The following IQSEC1 variants were observed in gnomAD, a reference collection of about 807,000 sequenced individuals.
IQSEC1 encodes IQ motif and SEC7 domain-containing protein 1.
IQSEC1 carries 31 observed loss-of-function variants against 91.0 expected under a neutral mutation model. That is an observed-to-expected ratio of 0.34 (90% CI 0.26 to 0.46). The LOEUF (loss-of-function observed/expected upper bound fraction) is 0.46. Ranked by LOEUF, IQSEC1 falls within the 20% of genes least tolerant of loss-of-function variation. The pLI is 1.00. For missense variants in IQSEC1, 1,388 were observed against 1,575.6 expected (o/e 0.88, Z 2.02); for synonymous variants, 699 against 662.6 (o/e 1.05, Z -0.84).
intron 1 of IQSEC1, among the ~76,000 whole-genome samples, chr3:13,212,207 A>G (rs1175919709): frequency 6.6e-6 from 1 of 152,202 alleles, no homozygotes; most frequent in Non-Finnish European, 1.5e-5. Context: ...AGCCCCTGCA[A>G]CCACTCACTA....
intron 1 of IQSEC1, among the ~76,000 whole-genome samples, chr3:13,180,568 T>G (rs537911772): frequency 1.9e-3 from 293 of 152,032 alleles, no homozygotes; most frequent in African/African-American, 6.8e-3. Context: ...GGCAACCCGC[T>G]GGGGTCCCCT....
At chr3:13,221,301 G>A (rs1374511625) in intron 1 of IQSEC1, among the ~76,000 whole-genome samples, 3 of 152,172 alleles carry the variant, frequency 2.0e-5, no homozygotes, top group South Asian at 2.1e-4. Context: ...CCTGACCCAC[G>A]CCCCTCTGCA....
chr3:13,038,246 A>ATG (rs1303265508), intron 1 of IQSEC1, among the ~76,000 whole-genome samples: 8 of 81,578 alleles, frequency 9.8e-5, no homozygotes, highest in African/African-American at 4.6e-4. Flanking sequence ...ACAAGTATAT[A>ATG]TATGTGTGTG....
At chr3:13,120,620 G>A (rs1706408337) in intron 2 of IQSEC1, among the ~76,000 whole-genome samples, 1 of 152,214 alleles carries the variant, frequency 6.6e-6, no homozygotes, top group Non-Finnish European at 1.5e-5. Flanking sequence ...AACTTACAAT[G>A]CAATCTGAGA....
intron 1 of IQSEC1, among the ~76,000 whole-genome samples, chr3:12,954,909 T>G (rs1699803672): frequency 6.6e-6 from 1 of 152,198 alleles, no homozygotes; most frequent in Non-Finnish European, 1.5e-5. Flanking sequence ...GGGTCCTCAG[T>G]GCCAAGGCAC....
chr3:13,128,367 G>A (rs577618747), intron 2 of IQSEC1, among the ~76,000 whole-genome samples: 2 of 152,092 alleles, frequency 1.3e-5, no homozygotes, highest in Non-Finnish European at 2.9e-5. Flanking sequence ...TTTCCTGAGA[G>A]TTTTCTTAAT....
rs368666890 is a variant in IQSEC1 at position 13,053,062 on chromosome 3, G to A, written c.23+19930C>T. The stretch of plus-strand genomic sequence containing the variant: ...ATCCGAATCCACGGGGGAATGGGAC[G>A]ATTTTGCTTTATTTTCTTGGCCAGG... On this transcript the variant is annotated intron_variant, in intron 1 of 13. Transcript: ENST00000613206. The A allele has an allele frequency of 7.4e-4, 804 of 1,087,116 alleles. 12 individuals are homozygous for A. The South Asian group carries it at 7.8e-3, about 11-fold the overall frequency. The allele number at this position is 1,087,116 out of a possible 1,614,324, so 67.3% of individuals were successfully genotyped here. A position where few individuals can be genotyped will look rare whatever the true frequency, so the allele number is the denominator to read the frequency against.
chr3:12,999,356 C>T (rs1317129570), intron 1 of IQSEC1, among the ~76,000 whole-genome samples: 3 of 152,202 alleles, frequency 2.0e-5, no homozygotes, highest in African/African-American at 7.2e-5. Flanking sequence ...TGAGGGTAAA[C>T]TGCCTTGCAT....
intron 1 of IQSEC1, among the ~76,000 whole-genome samples, chr3:13,035,465 T>C (rs1158971857): frequency 6.6e-6 from 1 of 152,172 alleles, no homozygotes; most frequent in Non-Finnish European, 1.5e-5. Context: ...CCAGCTGAAA[T>C]GATTGCCCCC....
chr3:13,071,097 T>A (rs1441149623), intron 1 of IQSEC1, among the ~76,000 whole-genome samples: 4 of 148,486 alleles, frequency 2.7e-5, no homozygotes, highest in Middle Eastern at 3.6e-3. Flanking sequence ...GCTTGAGCCC[T>A]CCCCCAAACC....
At chr3:13,063,298 G>T (rs1358421792) in intron 1 of IQSEC1, among the ~76,000 whole-genome samples, 1 of 152,258 alleles carries the variant, frequency 6.6e-6, no homozygotes, top group Non-Finnish European at 1.5e-5. Flanking sequence ...TCAATTTGTA[G>T]AATGACAAAG....
chr3:13,212,548 G>A (rs1223580222), intron 1 of IQSEC1, among the ~76,000 whole-genome samples: 2 of 152,210 alleles, frequency 1.3e-5, no homozygotes, highest in Non-Finnish European at 2.9e-5. Flanking sequence ...GAATTGCCGG[G>A]TCACAGGGTA....
chr3:13,090,932 C>G (rs944854114), intron 2 of IQSEC1, among the ~76,000 whole-genome samples: 4 of 152,188 alleles, frequency 2.6e-5, no homozygotes, highest in Non-Finnish European at 5.9e-5. Context: ...GGAATTTGAA[C>G]CCCAGCCGCG....
chr3:13,248,936 C>A (rs1238201686), intron 1 of IQSEC1, among the ~76,000 whole-genome samples: 2 of 113,820 alleles, frequency 1.8e-5, no homozygotes, highest in African/African-American at 1.1e-4. Context: ...CCTAATGTCA[C>A]AGAATTAATC....
intron 1 of IQSEC1, among the ~76,000 whole-genome samples, chr3:13,064,936 C>G (rs571383686): frequency 6.6e-6 from 1 of 152,348 alleles, no homozygotes; most frequent in South Asian, 2.1e-4. Flanking sequence ...CTGACCTGGA[C>G]GGAGAGCCAG....
chr3:13,261,807 A>G (rs1695393832), intron 1 of IQSEC1, among the ~76,000 whole-genome samples: 1 of 152,128 alleles, frequency 6.6e-6, no homozygotes, highest in Non-Finnish European at 1.5e-5. Context: ...AATTTATGGC[A>G]CTCAATGCTA....
At chr3:13,123,904 C>T (rs1054050511) in intron 2 of IQSEC1, among the ~76,000 whole-genome samples, 12 of 152,214 alleles carry the variant, frequency 7.9e-5, no homozygotes, top group African/African-American at 2.9e-4. Context: ...AACCATGGCT[C>T]TCGAGCCAAA....
intron 12 of IQSEC1, 132 bp from the exon 13 acceptor site, chr3:12,902,954 C>G: frequency 1.4e-6 from 1 of 722,392 alleles, no homozygotes; most frequent in Non-Finnish European, 2.6e-6. Flanking sequence ...GCCCACCTGC[C>G]CGCAGGAGCC....
At position 12,897,783 on chromosome 3, in the gene IQSEC1, C is replaced by G. The variant is rs961143973; in HGVS notation, c.*3200G>C. On this transcript the variant is annotated 3_prime_UTR_variant, in exon 14 of 14. Coordinates refer to ENST00000613206, the MANE Select transcript of IQSEC1 (RefSeq NM_001134382.3). ...CTGTGAACATCTGCTGTCTTTTCAG[C>G]TCATTAAGAAAAACAAGAGGCTCCT... 1.3e-5 allele frequency: 2 copies of G among 152,218 alleles called. No homozygotes were observed. The highest frequency in any genetic ancestry group is 4.8e-5 in the African/African-American group (2 of 41,456). 9.4% of individuals were successfully genotyped at this position (152,218 alleles called of 1,614,324 possible). A position where few individuals can be genotyped will look rare whatever the true frequency, so the allele number is the denominator to read the frequency against.
Sources: gnomAD v4.1 joint callset for allele counts (sites outside exome capture counted in the v4.1 genomes callset) on GRCh38, gnomAD v4.1.1 for gene constraint, MANE v1.5 for transcripts, NCBI Gene and HGNC (gene_info 2026-07-23, HGNC 2026-07-21) for gene names.